LSAMP: variants seen among roughly 807,000 people sequenced by gnomAD.
LSAMP encodes the protein limbic system associated membrane protein, also known as limbic system-associated membrane protein.
A neutral mutation model predicts 38.6 loss-of-function variants in LSAMP; 7 were observed. The observed-to-expected ratio is 0.18, with a 90% CI of 0.10 to 0.34. LSAMP has a LOEUF of 0.34. Ranked by LOEUF, LSAMP falls within the 10% of genes least tolerant of loss-of-function variation. The probability of loss-of-function intolerance (pLI) is 1.00; values close to 1 mark genes in which losing one functional copy is unlikely to be tolerated. For synonymous variants in LSAMP, 154 were observed against 166.8 expected, an observed-to-expected ratio of 0.92 and a Z score of 0.59; for missense variants, 313 against 420.0, an observed-to-expected ratio of 0.75 and a Z score of 2.23.
At chr3:115,898,655 A>G (rs1014115003) in intron 3 of LSAMP, among the ~76,000 whole-genome samples, 1 of 151,466 alleles carries the variant, frequency 6.6e-6, no homozygotes, top group African/African-American at 2.4e-5. Context: ...TGATCTTAAC[A>G]AGATACAATT....
At chr3:116,086,805 C>G (rs1480823539) in intron 1 of LSAMP, among the ~76,000 whole-genome samples, 2 of 152,006 alleles carry the variant, frequency 1.3e-5, no homozygotes, top group Admixed American at 6.6e-5. Context: ...GTAATGAAGG[C>G]AAAGTTAAAT....
intron 3 of LSAMP, among the ~76,000 whole-genome samples, chr3:115,902,356 C>G (rs925315558): frequency 2.6e-5 from 4 of 151,942 alleles, no homozygotes; most frequent in Admixed American, 2.0e-4. Flanking sequence ...AAAGTTTACT[C>G]TTTAAAAAGG....
At chr3:116,394,542 C>A (rs1389222990) in intron 1 of LSAMP, among the ~76,000 whole-genome samples, 2 of 152,164 alleles carry the variant, frequency 1.3e-5, no homozygotes, top group Non-Finnish European at 2.9e-5. Flanking sequence ...TAACAGATGC[C>A]AACCTGCTAT....
chr3:116,093,016 C>T (rs1253184623), intron 1 of LSAMP, among the ~76,000 whole-genome samples: 1 of 152,174 alleles, frequency 6.6e-6, no homozygotes, highest in African/African-American at 2.4e-5. Flanking sequence ...TATTTATTCA[C>T]TGATAACAAA....
At chr3:116,220,917 G>A (rs796231588) in intron 1 of LSAMP, among the ~76,000 whole-genome samples, 19 of 152,272 alleles carry the variant, frequency 1.2e-4, no homozygotes, top group African/African-American at 4.6e-4. Context: ...CACTTTGGGA[G>A]GCCGGGGCAG....
At chr3:116,357,037 C>A (rs902447415) in intron 1 of LSAMP, among the ~76,000 whole-genome samples, 6 of 152,124 alleles carry the variant, frequency 3.9e-5, no homozygotes, top group African/African-American at 1.2e-4. Flanking sequence ...TCGTGATCCA[C>A]CCGCCTCGGC....
At chr3:116,314,059 A>G (rs1389977642) in intron 1 of LSAMP, among the ~76,000 whole-genome samples, 2 of 152,200 alleles carry the variant, frequency 1.3e-5, no homozygotes, top group African/African-American at 4.8e-5. Context: ...TGCAGTTACT[A>G]TTTTACACAT....
At chr3:115,915,643 T>G (rs1937233695) in intron 3 of LSAMP, among the ~76,000 whole-genome samples, 1 of 148,070 alleles carries the variant, frequency 6.8e-6, no homozygotes, top group Non-Finnish European at 1.5e-5. Context: ...GGAATATCCT[T>G]TTTTTTTTTT....
chr3:116,173,803 T>C (rs1481016542), intron 1 of LSAMP, among the ~76,000 whole-genome samples: 1 of 144,762 alleles, frequency 6.9e-6, no homozygotes, highest in African/African-American at 2.5e-5. Flanking sequence ...TTTTTAACAA[T>C]TGGGAAAGCA....
At chr3:116,388,187 G>A (rs961905817) in intron 1 of LSAMP, among the ~76,000 whole-genome samples, 1 of 151,824 alleles carries the variant, frequency 6.6e-6, no homozygotes, top group Non-Finnish European at 1.5e-5. Context: ...GAAGCATGAA[G>A]AAAAAAAATG....
chr3:115,924,920 C>G (rs1937464040), intron 3 of LSAMP, among the ~76,000 whole-genome samples: 1 of 152,152 alleles, frequency 6.6e-6, no homozygotes. Flanking sequence ...CTTTCTCTTG[C>G]TATGCTCTTT....
chr3:116,355,372 A>G (rs2048208539), intron 1 of LSAMP, among the ~76,000 whole-genome samples: 1 of 152,218 alleles, frequency 6.6e-6, no homozygotes, highest in South Asian at 2.1e-4. Context: ...TCCTGAGAAA[A>G]CTGGATATCC....
chr3:116,423,019 T>C (rs2049149517), intron 1 of LSAMP, among the ~76,000 whole-genome samples: 2 of 152,228 alleles, frequency 1.3e-5, no homozygotes. Flanking sequence ...ACTTTATTTC[T>C]CTTATTTACT....
At chr3:116,173,859 G>A (rs1257877006) in intron 1 of LSAMP, among the ~76,000 whole-genome samples, 1 of 146,922 alleles carries the variant, frequency 6.8e-6, no homozygotes, top group Non-Finnish European at 1.5e-5. Context: ...ATCTCTCCTT[G>A]TTCCGAAGAT....
intron 3 of LSAMP, among the ~76,000 whole-genome samples, chr3:115,991,674 G>A (rs1576289070): frequency 6.6e-6 from 1 of 152,160 alleles, no homozygotes. Context: ...TCTGGGAAAA[G>A]AAAATGCGGC....
intron 1 of LSAMP, among the ~76,000 whole-genome samples, chr3:116,190,178 A>G (rs1371105170): frequency 6.6e-6 from 1 of 151,446 alleles, no homozygotes; most frequent in Non-Finnish European, 1.5e-5. Flanking sequence ...CTGCTGGATG[A>G]TCTCCCCACC....
At chr3:115,903,733 C>T (rs1936939770) in intron 3 of LSAMP, among the ~76,000 whole-genome samples, 1 of 152,042 alleles carries the variant, frequency 6.6e-6, no homozygotes, top group Non-Finnish European at 1.5e-5. Flanking sequence ...AACAATTTTA[C>T]AGGATCTTAA....
At chr3:116,097,463 TTATAA>T (rs1441040459) in intron 1 of LSAMP, among the ~76,000 whole-genome samples, 1 of 152,208 alleles carries the variant, frequency 6.6e-6, no homozygotes, top group Non-Finnish European at 1.5e-5. Context: ...CAGAACCACA[TTATAA>T]TATGACTCAT....
intron 1 of LSAMP, among the ~76,000 whole-genome samples, chr3:116,157,145 G>A (rs1156946888): frequency 6.6e-6 from 1 of 152,026 alleles, no homozygotes; most frequent in East Asian, 1.9e-4. Context: ...TGGTTCTAAC[G>A]ACTAGGCAAG....
Sources: allele counts gnomAD v4.1 joint callset (sites outside exome capture counted in the v4.1 genomes callset), GRCh38; gene constraint gnomAD v4.1.1; transcripts MANE v1.5; gene names NCBI Gene and HGNC (gene_info 2026-07-23, HGNC 2026-07-21).